GNA14: variants seen among roughly 807,000 people sequenced by gnomAD.
The protein encoded by GNA14 is guanine nucleotide-binding protein subunit alpha-14.
A neutral mutation model predicts 42.0 loss-of-function variants in GNA14; 50 were observed. The ratio of observed to expected loss-of-function variants is 1.19; its 90% confidence interval spans 0.95 to 1.51. The LOEUF is 1.51. Among genes scored for constraint, GNA14 ranks in the 40% most tolerant of loss-of-function variants. The probability of loss-of-function intolerance (pLI) is 0.00; values close to 1 mark genes in which losing one functional copy is unlikely to be tolerated. For missense variants in GNA14, 473 were observed against 446.2 expected, an observed-to-expected ratio of 1.06 and a Z score of -0.54; for synonymous variants, 173 against 163.1, an observed-to-expected ratio of 1.06 and a Z score of -0.46.
intron 5 of GNA14, among the ~76,000 whole-genome samples, chr9:77,427,027 G>A (rs1232854990): frequency 6.6e-6 from 1 of 152,040 alleles, no homozygotes; most frequent in Non-Finnish European, 1.5e-5. Context: ...TGATCTGAAT[G>A]ATAATGATCT....
At chr9:77,488,658 T>C (rs1836700694) in intron 2 of GNA14, among the ~76,000 whole-genome samples, 1 of 152,026 alleles carries the variant, frequency 6.6e-6, no homozygotes, top group Admixed American at 6.6e-5. Flanking sequence ...CTCTGGTTTT[T>C]ACTAGAATTG....
At chr9:77,644,608 T>G (rs1198506621) in intron 1 of GNA14, among the ~76,000 whole-genome samples, 1 of 152,158 alleles carries the variant, frequency 6.6e-6, no homozygotes, top group Admixed American at 6.5e-5. Context: ...GCTCCATAAC[T>G]GTGAGAAAAT....
intron 1 of GNA14, among the ~76,000 whole-genome samples, chr9:77,577,769 G>C (rs1418723239): frequency 1.3e-5 from 2 of 152,100 alleles, no homozygotes; most frequent in Non-Finnish European, 2.9e-5. Flanking sequence ...AGGTACTTTG[G>C]AATTGCTCTT....
intron 1 of GNA14, among the ~76,000 whole-genome samples, chr9:77,569,090 A>T (rs952992558): frequency 1.3e-5 from 2 of 151,948 alleles, no homozygotes; most frequent in Admixed American, 1.3e-4. Context: ...TTATTCTGTT[A>T]AAGAGCTCCG....
chr9:77,597,646 A>AT (rs1301137929), intron 1 of GNA14, among the ~76,000 whole-genome samples: 1 of 151,926 alleles, frequency 6.6e-6, no homozygotes, highest in Admixed American at 6.5e-5. Flanking sequence ...ATACTTTAAA[A>AT]AAAGTGGCAA....
chr9:77,518,766 T>C (rs1044160919), intron 2 of GNA14, among the ~76,000 whole-genome samples: 2 of 152,176 alleles, frequency 1.3e-5, no homozygotes, highest in Non-Finnish European at 2.9e-5. Context: ...CAGAAGCAAA[T>C]AACTTCCTAA....
intron 1 of GNA14, among the ~76,000 whole-genome samples, chr9:77,574,415 G>T (rs921425821): frequency 1.3e-5 from 2 of 152,200 alleles, no homozygotes; most frequent in Non-Finnish European, 2.9e-5. Flanking sequence ...GGACTGCCAT[G>T]GGTCTGGAGG....
intron 1 of GNA14, among the ~76,000 whole-genome samples, chr9:77,638,190 A>C (rs549070020): frequency 1.3e-5 from 2 of 152,320 alleles, no homozygotes; most frequent in Admixed American, 6.5e-5. Flanking sequence ...GTCATTATTA[A>C]AACATTGCAC....
At chr9:77,544,585 C>T (rs1248955417) in intron 1 of GNA14, among the ~76,000 whole-genome samples, 2 of 151,344 alleles carry the variant, frequency 1.3e-5, no homozygotes, top group African/African-American at 4.9e-5. Flanking sequence ...TGCCTGTAGA[C>T]CCAGCTACTA....
intron 2 of GNA14, among the ~76,000 whole-genome samples, chr9:77,490,997 A>T (rs1225858113): frequency 6.6e-6 from 1 of 152,252 alleles, no homozygotes; most frequent in African/African-American, 2.4e-5. Flanking sequence ...ATAAAATATA[A>T]AGGAGCCACA....
At chr9:77,642,679 G>T (rs758430899) in intron 1 of GNA14, among the ~76,000 whole-genome samples, 16 of 152,126 alleles carry the variant, frequency 1.1e-4, no homozygotes, top group Admixed American at 7.2e-4. Context: ...TGAGGCAGGA[G>T]AATCACTTGA....
chr9:77,499,713 G>A (rs951096946), intron 2 of GNA14, among the ~76,000 whole-genome samples: 23 of 152,012 alleles, frequency 1.5e-4, no homozygotes, highest in Non-Finnish European at 2.5e-4. Flanking sequence ...AGCCGGGCAT[G>A]GTGGCGCGCT....
intron 2 of GNA14, among the ~76,000 whole-genome samples, chr9:77,473,575 C>T (rs900580395): frequency 3.4e-5 from 5 of 148,728 alleles, no homozygotes; most frequent in Non-Finnish European, 7.4e-5. Context: ...ACCTGATCTA[C>T]ATATTCAATA....
chr9:77,518,836 G>T (rs1837303378), intron 2 of GNA14, among the ~76,000 whole-genome samples: 1 of 152,272 alleles, frequency 6.6e-6, no homozygotes, highest in South Asian at 2.1e-4. Context: ...TCTAATTACA[G>T]ATGCCATTTT....
intron 2 of GNA14, among the ~76,000 whole-genome samples, chr9:77,521,785 A>C (rs922823660): frequency 6.6e-6 from 1 of 152,206 alleles, no homozygotes. Flanking sequence ...TAAAAATACA[A>C]ACTAATTTCC....
Position 77,547,947 on chromosome 9 carries a change from A to C in GNA14, c.125-18694T>G, listed in dbSNP as rs1837740197. Among the ~76,000 whole-genome samples, 3 of 152,240 alleles carry C rather than the reference A, an allele frequency of 2.0e-5. No individual in the cohort carries two copies. In the South Asian group the frequency reaches 6.2e-4, roughly 31 times the overall value. On this transcript the variant is annotated intron_variant, in intron 1 of 6. Coordinates refer to ENST00000341700, the MANE Select transcript of GNA14 (RefSeq NM_004297.4). The stretch of plus-strand genomic sequence containing the variant: ...ATACCTGCGGAAATGGAGAGGAAGA[A>C]GCAAATGCAATGGTTTGGAAAACTC...
At chr9:77,624,447 G>A (rs1439691325) in intron 1 of GNA14, among the ~76,000 whole-genome samples, 1 of 152,156 alleles carries the variant, frequency 6.6e-6, no homozygotes, top group Non-Finnish European at 1.5e-5. Flanking sequence ...TCCTCAAGTG[G>A]GTCCCTGACT....
intron 5 of GNA14, among the ~76,000 whole-genome samples, chr9:77,427,384 T>A (rs1276658418): frequency 6.6e-6 from 1 of 152,104 alleles, no homozygotes; most frequent in Non-Finnish European, 1.5e-5. Flanking sequence ...TTTCCGTTCT[T>A]TGCACAATGA....
chr9:77,639,267 G>A (rs1248794779), intron 1 of GNA14, among the ~76,000 whole-genome samples: 2 of 152,172 alleles, frequency 1.3e-5, no homozygotes, highest in Non-Finnish European at 2.9e-5. Flanking sequence ...TATTTAACAA[G>A]CACCTAAAAT....
Sources: allele counts gnomAD v4.1 joint callset (sites outside exome capture counted in the v4.1 genomes callset), GRCh38; gene constraint gnomAD v4.1.1; transcripts MANE v1.5; gene names NCBI Gene and HGNC (gene_info 2026-07-23, HGNC 2026-07-21).